Variants in PTPRN2 observed in about 807,000 individuals in gnomAD.
PTPRN2 encodes the protein protein tyrosine phosphatase receptor type N2.
In PTPRN2, 74 loss-of-function variants were observed where a neutral mutation model predicts 118.8. The observed-to-expected ratio is 0.62, with a 90% CI of 0.52 to 0.76. PTPRN2 has a LOEUF of 0.76. Among genes scored for constraint, PTPRN2 ranks in the 30% least tolerant of loss-of-function variants. The pLI is 0.00. For missense variants in PTPRN2, 1,481 were observed against 1,394.4 expected (o/e 1.06, Z -0.99); for synonymous variants, 641 against 608.0 (o/e 1.05, Z -0.80).
chr7:158,338,370 G>C (rs375990054), intron 2 of PTPRN2, among the ~76,000 whole-genome samples: 11 of 4,000 alleles, frequency 2.7e-3, no homozygotes, highest in Non-Finnish European at 6.3e-3. Flanking sequence ...ACCATAAGAG[G>C]TGACACCTGC....
chr7:158,378,766 G>A (rs1810739406), intron 2 of PTPRN2, among the ~76,000 whole-genome samples: 1 of 152,186 alleles, frequency 6.6e-6, no homozygotes, highest in Non-Finnish European at 1.5e-5. Flanking sequence ...TCAAAGAGGT[G>A]TTTTAATCAA....
Position 157,611,077 on chromosome 7 carries a change from T to G in PTPRN2, c.2345-7002A>C, listed in dbSNP as rs948480511. On this transcript the variant is annotated intron_variant, in intron 15 of 22. Coordinates refer to ENST00000389418, the MANE Select transcript of PTPRN2 (RefSeq NM_002847.5). This position sits in a 1 kb window ranked among gnomAD's most constrained non-coding sequence, Gnocchi z 5.9. ...GCACGCTGCCCACCGCTGAGCTGAATAACCGAGCGCGAGGCTGGTGTCCGG... is the reference window on the plus strand; with the variant it reads ...GCACGCTGCCCACCGCTGAGCTGAAGAACCGAGCGCGAGGCTGGTGTCCGG... 6.6e-6 allele frequency among the ~76,000 whole-genome samples: 1 copy of G among 152,180 alleles called. No individual in the cohort carries two copies. Among genetic ancestry groups the G allele is most frequent in the Non-Finnish European group, 1.5e-5 (1 of 68,044 alleles).
chr7:157,884,178 A>G (rs1796330969), intron 12 of PTPRN2, among the ~76,000 whole-genome samples: 4 of 152,104 alleles, frequency 2.6e-5, no homozygotes. Flanking sequence ...ACTGTCAGAG[A>G]CCAGAACATA....
intron 11 of PTPRN2, among the ~76,000 whole-genome samples, chr7:157,914,225 T>A (rs1238712044): frequency 6.6e-6 from 1 of 152,130 alleles, no homozygotes; most frequent in Non-Finnish European, 1.5e-5. Context: ...AGACAAAAAA[T>A]TTTGCTTTTT....
intron 2 of PTPRN2, among the ~76,000 whole-genome samples, chr7:158,488,868 G>A (rs1185179596): frequency 6.6e-6 from 1 of 152,228 alleles, no homozygotes; most frequent in Non-Finnish European, 1.5e-5. Context: ...TTGGAGAAAG[G>A]CGGCTCCGCC....
chr7:157,855,668 G>A (rs1019050530), intron 12 of PTPRN2, among the ~76,000 whole-genome samples: 3 of 152,234 alleles, frequency 2.0e-5, no homozygotes, highest in Non-Finnish European at 2.9e-5. Context: ...GGGAGCGTTA[G>A]AGCTGAGGGA....
intron 2 of PTPRN2, among the ~76,000 whole-genome samples, chr7:158,342,020 C>G (rs1187010406): frequency 4.4e-4 from 58 of 130,378 alleles, no homozygotes; most frequent in East Asian, 9.0e-4. Context: ...GTCACTCACA[C>G]CCACACTCTC....
chr7:157,718,519 T>C (rs1799046479), intron 12 of PTPRN2, among the ~76,000 whole-genome samples: 1 of 152,128 alleles, frequency 6.6e-6, no homozygotes, highest in Non-Finnish European at 1.5e-5. Flanking sequence ...AGCCCTGAGG[T>C]GAGTCTCAGC....
intron 10 of PTPRN2, among the ~76,000 whole-genome samples, chr7:158,109,873 G>A (rs753893207): frequency 1.2e-4 from 18 of 151,764 alleles, no homozygotes; most frequent in African/African-American, 4.4e-4. Context: ...CTATGTGAAG[G>A]GGACAGTGAG....
At chr7:157,718,199 A>G (rs1563033579) in intron 12 of PTPRN2, among the ~76,000 whole-genome samples, 1 of 152,280 alleles carries the variant, frequency 6.6e-6, no homozygotes, top group Non-Finnish European at 1.5e-5. Context: ...GATCAGAACA[A>G]TTTGAATGAA....
chr7:158,341,868 G>T (rs1343224404), intron 2 of PTPRN2, among the ~76,000 whole-genome samples: 1 of 65,744 alleles, frequency 1.5e-5, no homozygotes, highest in African/African-American at 5.9e-5. Context: ...AGTGTGCCCC[G>T]CAGGCGTCAC....
chr7:157,997,681 G>C (rs1252305946), intron 11 of PTPRN2, among the ~76,000 whole-genome samples: 1 of 151,432 alleles, frequency 6.6e-6, no homozygotes, highest in Non-Finnish European at 1.5e-5. Flanking sequence ...AGGCCAGGGA[G>C]GGGCAGAGCC....
intron 12 of PTPRN2, among the ~76,000 whole-genome samples, chr7:157,708,397 C>T (rs1798438929): frequency 6.6e-6 from 1 of 152,222 alleles, no homozygotes; most frequent in Admixed American, 6.5e-5. Context: ...ACCTGCAGCA[C>T]TCAGAGCTGG....
chr7:158,019,481 G>A (rs989789312), intron 11 of PTPRN2, among the ~76,000 whole-genome samples: 1 of 152,234 alleles, frequency 6.6e-6, no homozygotes, highest in African/African-American at 2.4e-5. Flanking sequence ...CAGGGATGGG[G>A]CTGCACAGGA....
At chr7:157,876,984 T>C (rs914965274) in intron 12 of PTPRN2, among the ~76,000 whole-genome samples, 17 of 152,210 alleles carry the variant, frequency 1.1e-4, no homozygotes, top group African/African-American at 3.9e-4. Context: ...GTGCAGGATG[T>C]GGCAGTCCCT....
chr7:158,534,941 G>A (rs1399408975), intron 1 of PTPRN2, among the ~76,000 whole-genome samples: 2 of 152,180 alleles, frequency 1.3e-5, no homozygotes, highest in Non-Finnish European at 2.9e-5. Flanking sequence ...AGCCTCGTCA[G>A]CAGGCAGGCG....
At chr7:157,682,017 T>C (rs1222893377) in intron 13 of PTPRN2, among the ~76,000 whole-genome samples, 55 of 152,252 alleles carry the variant, frequency 3.6e-4, no homozygotes, top group Non-Finnish European at 8.8e-5. Context: ...GTAAGTATTC[T>C]GGGCTTATGC....
At chr7:158,331,943 A>T (rs1189697184) in intron 2 of PTPRN2, among the ~76,000 whole-genome samples, 1 of 150,870 alleles carries the variant, frequency 6.6e-6, no homozygotes, top group Admixed American at 6.6e-5. Context: ...ACTCACACTC[A>T]CACTCCCACG....
At chr7:157,915,050 C>T (rs1798320741) in intron 11 of PTPRN2, among the ~76,000 whole-genome samples, 1 of 152,124 alleles carries the variant, frequency 6.6e-6, no homozygotes, top group Non-Finnish European at 1.5e-5. Context: ...TTATATTTAG[C>T]TTCCTCCTAT....
Sources: allele counts gnomAD v4.1 joint callset (sites outside exome capture counted in the v4.1 genomes callset), GRCh38; gene constraint gnomAD v4.1.1; non-coding constraint Gnocchi (gnomAD v3.1); transcripts MANE v1.5; gene names NCBI Gene and HGNC (gene_info 2026-07-23, HGNC 2026-07-21).